Variants in RC3H1 observed in about 807,000 individuals in gnomAD.
The protein encoded by RC3H1 is ring finger and CCCH-type domains 1.
RC3H1 carries 50 observed loss-of-function variants against 138.2 expected under a neutral mutation model. The observed-to-expected ratio is 0.36, with a 90% CI of 0.29 to 0.46. The LOEUF (loss-of-function observed/expected upper bound fraction) is 0.46, where lower values mean the gene tolerates loss of function less well. Among genes scored for constraint, RC3H1 ranks in the 20% least tolerant of loss-of-function variants. The probability of loss-of-function intolerance (pLI) is 1.00; values close to 1 mark genes in which losing one functional copy is unlikely to be tolerated. For missense variants in RC3H1, 1,031 were observed against 1,388.1 expected, an observed-to-expected ratio of 0.74 and a Z score of 4.09; for synonymous variants, 462 against 489.1, an observed-to-expected ratio of 0.94 and a Z score of 0.73.
intron 1 of RC3H1, among the ~76,000 whole-genome samples, chr1:174,007,041 A>G (rs1343218152): frequency 1.3e-5 from 2 of 152,074 alleles, no homozygotes; most frequent in African/African-American, 4.8e-5. Context: ...TCTTCCCCAA[A>G]TATCACTACT....
intron 19 of RC3H1, among the ~76,000 whole-genome samples, chr1:173,939,165 G>A (rs1043273543): frequency 6.6e-6 from 1 of 151,860 alleles, no homozygotes; most frequent in African/African-American, 2.4e-5. Flanking sequence ...TGAGAATTGC[G>A]ACAAAAACTG....
intron 1 of RC3H1, among the ~76,000 whole-genome samples, chr1:174,003,633 T>C (rs1661599181): frequency 6.6e-6 from 1 of 151,918 alleles, no homozygotes; most frequent in African/African-American, 2.4e-5. Flanking sequence ...CTATAATAAC[T>C]AGACTGTAAG....
intron 1 of RC3H1, among the ~76,000 whole-genome samples, chr1:174,021,235 C>T (rs1221376685): frequency 6.6e-6 from 1 of 152,130 alleles, no homozygotes; most frequent in Non-Finnish European, 1.5e-5. Flanking sequence ...GAATAAAAGT[C>T]CTCTTTAAAC....
At chr1:173,988,192 G>A (rs1325327810) in intron 2 of RC3H1, among the ~76,000 whole-genome samples, 1 of 152,112 alleles carries the variant, frequency 6.6e-6, no homozygotes, top group Non-Finnish European at 1.5e-5. Context: ...ATAAAGAACT[G>A]TTTTACTGCC....
intron 11 of RC3H1, 120 bp from the exon 12 acceptor site, chr1:173,962,215 G>A (rs1456956501): frequency 6.0e-6 from 6 of 994,128 alleles, no homozygotes; most frequent in Middle Eastern, 2.3e-4. Context: ...ATTTCTTTAC[G>A]AGTTTTCCAT....
chr1:173,946,680 CA>C, intron 16 of RC3H1, 65 bp downstream of exon 16: 2 of 1,596,938 alleles, frequency 1.3e-6, no homozygotes, highest in Non-Finnish European at 1.7e-6. Flanking sequence ...ACCAGAAAAA[CA>C]AAAAGAAGTT....
chr1:173,947,170 T>C (rs1174752981), intron 15 of RC3H1, among the ~76,000 whole-genome samples, 199 bp downstream of exon 15: 1 of 152,170 alleles, frequency 6.6e-6, no homozygotes, highest in Non-Finnish European at 1.5e-5. Context: ...AAGCTTCACA[T>C]ATAGACATTT....
chr1:173,960,704 TAA>T (rs2102926165), intron 13 of RC3H1, among the ~76,000 whole-genome samples: 1 of 152,280 alleles, frequency 6.6e-6, no homozygotes, highest in East Asian at 1.9e-4. Context: ...AGACTTATTA[TAA>T]AACTATACGA....
intron 2 of RC3H1, among the ~76,000 whole-genome samples, chr1:173,992,377 C>T (rs1047193207): frequency 3.9e-5 from 6 of 152,122 alleles, no homozygotes; most frequent in South Asian, 2.1e-4. Context: ...AAACACCTGA[C>T]CTCAAATGAT....
At chr1:173,941,135 T>A (rs1658839051) in intron 19 of RC3H1, 130 bp downstream of exon 19, 1 of 669,804 alleles carries the variant, frequency 1.5e-6, no homozygotes, top group African/African-American at 1.8e-5. Context: ...ATATTCTTTA[T>A]GTACACAGAA....
intron 1 of RC3H1, among the ~76,000 whole-genome samples, chr1:173,996,977 C>T (rs2103056318): frequency 6.6e-6 from 1 of 152,078 alleles, no homozygotes; most frequent in Non-Finnish European, 1.5e-5. Context: ...CGCCTGTAAC[C>T]CCAGCACTCT....
intron 1 of RC3H1, among the ~76,000 whole-genome samples, chr1:174,007,061 C>A (rs1661665762): frequency 6.6e-6 from 1 of 152,088 alleles, no homozygotes; most frequent in Non-Finnish European, 1.5e-5. Context: ...TATCCCAACT[C>A]CTAACACAAT....
intron 7 of RC3H1, 60 bp from the exon 8 acceptor site, chr1:173,972,687 A>C: frequency 1.8e-6 from 2 of 1,084,748 alleles, no homozygotes; most frequent in Non-Finnish European, 2.9e-6. Flanking sequence ...CCCTAATATC[A>C]AATTAATAAA....
intron 17 of RC3H1, among the ~76,000 whole-genome samples, chr1:173,944,897 AT>A (rs1213397052): frequency 1.3e-5 from 2 of 152,172 alleles, no homozygotes; most frequent in African/African-American, 4.8e-5. Context: ...AGTCTGTCTT[AT>A]AACTTTTTTT....
At chr1:174,007,231 T>C (rs1661670372) in intron 1 of RC3H1, among the ~76,000 whole-genome samples, 1 of 151,610 alleles carries the variant, frequency 6.6e-6, no homozygotes, top group Non-Finnish European at 1.5e-5. Context: ...CTACTAAAAA[T>C]ACAAAAAAAT....
chr1:173,967,659 T>C (rs1218728821), intron 9 of RC3H1, among the ~76,000 whole-genome samples: 1 of 152,228 alleles, frequency 6.6e-6, no homozygotes, highest in Non-Finnish European at 1.5e-5. Context: ...ATAAATCTAT[T>C]GGTTCCTCTC....
intron 11 of RC3H1, among the ~76,000 whole-genome samples, chr1:173,962,602 C>T (rs1330696634): frequency 6.6e-6 from 1 of 152,172 alleles, no homozygotes; most frequent in African/African-American, 2.4e-5. Flanking sequence ...CCTCAAATGA[C>T]GTGATCTTGG....
intron 1 of RC3H1, among the ~76,000 whole-genome samples, chr1:174,008,941 C>T (rs1375261291): frequency 2.1e-5 from 3 of 144,518 alleles, no homozygotes; most frequent in Non-Finnish European, 4.5e-5. Context: ...CGTACCACTG[C>T]ACTCCAGCCT....
At position 173,938,614 on chromosome 1, in the gene RC3H1, T is replaced by C; in HGVS notation, c.*107A>G. 1.3e-6 allele frequency: 1 copy of C among 779,576 alleles called. No individual in the cohort carries two copies. Among genetic ancestry groups the C allele is most frequent in the Non-Finnish European group, 1.9e-6 (1 of 517,106 alleles). The allele number at this position is 779,576 out of a possible 1,614,324, so 48.3% of individuals were successfully genotyped here. ...ATTGCCTCTGGTGAATTTCCTGGAT[T>C]TCTCTGACCGCTCTTAAGAGAAAAA... On this transcript the variant is annotated 3_prime_UTR_variant, in exon 20 of 20. Coordinates refer to ENST00000367696, the MANE Select transcript of RC3H1 (RefSeq NM_172071.4).
Sources: gnomAD v4.1 joint callset for allele counts (sites outside exome capture counted in the v4.1 genomes callset) on GRCh38, gnomAD v4.1.1 for gene constraint, MANE v1.5 for transcripts, NCBI Gene and HGNC (gene_info 2026-07-23, HGNC 2026-07-21) for gene names.